The following SMIM36 variants were observed in gnomAD, a reference collection of about 807,000 sequenced individuals.
SMIM36 encodes the protein small integral membrane protein 36.
chr17:55,463,650 T>C (rs1909183705), intron 4 of SMIM36, among the ~76,000 whole-genome samples: 1 of 152,086 alleles, frequency 6.6e-6, no homozygotes, highest in South Asian at 2.1e-4. Flanking sequence ...TGTAGTACAG[T>C]TAAAGGGTAG....
At chr17:55,516,069 A>G (rs1226871366), upstream of SMIM36, among the ~76,000 whole-genome samples, 1 of 152,242 alleles carries the variant, frequency 6.6e-6, no homozygotes, top group African/African-American at 2.4e-5. Flanking sequence ...TTACTTCTAT[A>G]AAAAACAAAG....
rs1410599591 is a variant in SMIM36 at position 55,457,785 on chromosome 17, CAA to C, written c.*532-7489_*532-7488del. 2.0e-5 allele frequency among the ~76,000 whole-genome samples: 3 copies of C among 152,012 alleles called. No individual in the cohort carries two copies. The East Asian group carries it at 5.8e-4, about 30-fold the overall frequency. ...AGGCAATCCCCCCACCTCAGCCTCC[CAA>C]AGTGCTGGGATTAAAGGCTTGAGCT... On this transcript the variant is annotated intron_variant, in intron 4 of 4. Coordinates refer to ENST00000636752, the Ensembl canonical transcript of SMIM36.
At chr17:55,520,212 T>C in the SMIM36 span, among the ~76,000 whole-genome samples, 1 of 152,206 alleles carries the variant, frequency 6.6e-6, no homozygotes, top group Non-Finnish European at 1.5e-5. Flanking sequence ...TTTGTTTCCC[T>C]CTTATAAGGA....
chr17:55,518,194 G>A, the SMIM36 span, among the ~76,000 whole-genome samples: 65,977 of 151,916 alleles, frequency 0.43, 15,132 homozygotes, highest in Non-Finnish European at 0.5. Flanking sequence ...AAGGACAAGA[G>A]AGAGCATGAG....
At chr17:55,492,509 C>T (rs1022062829) in intron 1 of SMIM36, among the ~76,000 whole-genome samples, 2 of 151,754 alleles carry the variant, frequency 1.3e-5, no homozygotes, top group African/African-American at 4.8e-5. Flanking sequence ...CTGCCCTCCT[C>T]AGCCTCCCGA....
At chr17:55,507,178 C>A (rs1910088447) in intron 1 of SMIM36, among the ~76,000 whole-genome samples, 1 of 34,636 alleles carries the variant, frequency 2.9e-5, no homozygotes. Context: ...GGCGATTCCT[C>A]AGGGATCTAG....
intron 1 of SMIM36, among the ~76,000 whole-genome samples, chr17:55,491,367 ATCTTC>A (rs1379838340): frequency 6.6e-6 from 1 of 152,014 alleles, no homozygotes; most frequent in African/African-American, 2.4e-5. Flanking sequence ...TATCATCATT[ATCTTC>A]TCTTTCTTTT....
chr17:55,517,936 TAAAC>T, the SMIM36 span, among the ~76,000 whole-genome samples: 1 of 152,150 alleles, frequency 6.6e-6, no homozygotes, highest in Non-Finnish European at 1.5e-5. Flanking sequence ...ATCTAAATGT[TAAAC>T]AGAGAGGAAG....
At chr17:55,496,424 T>A (rs1909808690) in intron 1 of SMIM36, among the ~76,000 whole-genome samples, 1 of 152,166 alleles carries the variant, frequency 6.6e-6, no homozygotes, top group Admixed American at 6.5e-5. Flanking sequence ...CGCAGACAAC[T>A]TCCTACTATC....
At chr17:55,472,098 T>C (rs1371198805) in intron 3 of SMIM36, among the ~76,000 whole-genome samples, 1 of 152,230 alleles carries the variant, frequency 6.6e-6, no homozygotes, top group Non-Finnish European at 1.5e-5. Context: ...CCAACGCAAC[T>C]GAACCACATG....
chr17:55,515,383 G>A (rs9900402), upstream of SMIM36, among the ~76,000 whole-genome samples: 66,044 of 151,796 alleles, frequency 0.44, 15,197 homozygotes, highest in Non-Finnish European at 0.51. Flanking sequence ...ATATTTTGTC[G>A]CAACTTAAAA....
chr17:55,497,194 T>A (rs1159550678), intron 1 of SMIM36, among the ~76,000 whole-genome samples: 1 of 152,198 alleles, frequency 6.6e-6, no homozygotes, highest in Non-Finnish European at 1.5e-5. Context: ...TTACATTCCA[T>A]CTGGCAAAAC....
exon 1 of SMIM36, chr17:55,511,118 G>A: frequency 2.5e-6 from 1 of 398,642 alleles, no homozygotes; most frequent in Non-Finnish European, 4.4e-6. Context: ...GGCCCCTTTG[G>A]CCAGTGGGGC....
Position 55,484,449 on chromosome 17 carries a change from C to T in SMIM36, c.*175-4869G>A, listed in dbSNP as rs567076719. On this transcript the variant is annotated intron_variant, in intron 1 of 4. Transcript: ENST00000636752. ...ATGAAACCGTGAGATGAAAGGTAGA[C>T]GAAGAACTTTACAATGGCTTGATCA... Among the ~76,000 whole-genome samples the T allele has an allele frequency of 9.2e-5, 14 of 152,206 alleles. 1 individual carries two copies. In the South Asian group the frequency reaches 2.1e-3, roughly 23 times the overall value.
At chr17:55,496,303 G>A (rs887115777) in intron 1 of SMIM36, among the ~76,000 whole-genome samples, 10 of 152,076 alleles carry the variant, frequency 6.6e-5, no homozygotes, top group African/African-American at 2.4e-4. Flanking sequence ...TGCAGTTGAG[G>A]CCACCAGGCT....
intron 4 of SMIM36, among the ~76,000 whole-genome samples, chr17:55,460,168 G>A (rs553782460): frequency 2.6e-5 from 4 of 152,120 alleles, no homozygotes; most frequent in South Asian, 4.2e-4. Flanking sequence ...GGTGGCTCAC[G>A]CCTGTAACCC....
At chr17:55,485,655 C>T (rs1424037890) in intron 1 of SMIM36, among the ~76,000 whole-genome samples, 1 of 152,108 alleles carries the variant, frequency 6.6e-6, no homozygotes, top group East Asian at 1.9e-4. Context: ...AACTATTTGC[C>T]TATTTATAGT....
chr17:55,502,951 A>C (rs1175276355), intron 1 of SMIM36, among the ~76,000 whole-genome samples: 2 of 151,084 alleles, frequency 1.3e-5, no homozygotes, highest in East Asian at 3.9e-4. Flanking sequence ...AGCCGATGCG[A>C]TCAACTGGAA....
At chr17:55,521,729 G>A in the SMIM36 span, among the ~76,000 whole-genome samples, 3 of 152,286 alleles carry the variant, frequency 2.0e-5, no homozygotes, top group South Asian at 6.2e-4. Flanking sequence ...AGTGTTAATT[G>A]TCAGGATGCT....
Sources: gnomAD v4.1 joint callset for allele counts (sites outside exome capture counted in the v4.1 genomes callset) on GRCh38, gnomAD v4.1.1 for gene constraint, MANE v1.5 for transcripts, NCBI Gene and HGNC (gene_info 2026-07-23, HGNC 2026-07-21) for gene names.